CNOT9: variants seen among roughly 807,000 people sequenced by gnomAD.
The protein encoded by CNOT9 is RCD1 required for cell differentiation1 homolog.
Under a neutral mutation model 37.4 loss-of-function variants are expected in CNOT9, and 8 were observed. The ratio of observed to expected loss-of-function variants is 0.21; its 90% confidence interval spans 0.13 to 0.39. CNOT9 has a LOEUF of 0.39. Ranked by LOEUF, CNOT9 falls within the 10% of genes least tolerant of loss-of-function variation. CNOT9 has a pLI of 1.00. For missense variants in CNOT9, 154 were observed against 365.3 expected (o/e 0.42, Z 4.71); for synonymous variants, 120 against 137.6 (o/e 0.87, Z 0.90).
Position 218,595,306 on chromosome 2 carries a change from A to G in CNOT9, c.*1030A>G, listed in dbSNP as rs1237422068. On this transcript the variant is annotated 3_prime_UTR_variant, in exon 8 of 8. Coordinates refer to ENST00000273064, the MANE Select transcript of CNOT9 (RefSeq NM_005444.3). Reference sequence around the variant, plus strand: ...TCTTTGTTTTAGTGTGAATTTCAGCAGCTCCATCTGTCTTCATGATTGTAC... The same window carrying G: ...TCTTTGTTTTAGTGTGAATTTCAGCGGCTCCATCTGTCTTCATGATTGTAC... The G allele has an allele frequency of 6.6e-6, 1 of 150,558 alleles. No individual in the cohort carries two copies. Among genetic ancestry groups the G allele is most frequent in the African/African-American group, 2.4e-5 (1 of 41,050 alleles). 9.3% of individuals were successfully genotyped at this position (150,558 alleles called of 1,614,324 possible).
At chr2:218,584,584 T>C in intron 3 of CNOT9, 28 bp from the exon 4 acceptor site, 3 of 1,501,346 alleles carry the variant, frequency 2.0e-6, no homozygotes, top group East Asian at 2.3e-5. Context: ...AACCCTGGGC[T>C]GTGAATGTAA....
chr2:218,585,442 A>G (rs565838225), intron 4 of CNOT9, among the ~76,000 whole-genome samples: 7 of 147,850 alleles, frequency 4.7e-5, no homozygotes, highest in Admixed American at 3.4e-4. Flanking sequence ...GCGTGGTGGC[A>G]TGTGCCTGTA....
chr2:218,583,164 A>C, intron 3 of CNOT9, 78 bp downstream of exon 3: 1 of 824,804 alleles, frequency 1.2e-6, no homozygotes, highest in Admixed American at 1.9e-5. Flanking sequence ...AATAAAAGGA[A>C]GGGCATGGAG....
In CNOT9 at chr2:218,595,691, A is replaced by G. The variant is rs1694910521; in HGVS notation, c.*1415A>G. ...GAGAGGGACCAAGTCTTTTCTGCCC[A>G]CATCTCACACAATTGAGGTGTCTGA... On this transcript the variant is annotated 3_prime_UTR_variant, in exon 8 of 8. Transcript: ENST00000273064. 1 of 151,190 alleles carries G rather than the reference A, an allele frequency of 6.6e-6. No homozygotes were observed. The highest frequency in any genetic ancestry group is 2.4e-5 in the African/African-American group (1 of 41,132). 9.4% of individuals were successfully genotyped at this position (151,190 alleles called of 1,614,324 possible).
chr2:218,580,529 A>G (rs778466462), intron 1 of CNOT9, 32 bp from the exon 2 acceptor site: 1 of 1,560,982 alleles, frequency 6.4e-7, no homozygotes, highest in South Asian at 1.2e-5. Flanking sequence ...ACTCTAATAA[A>G]CTGATATTTA....
intron 1 of CNOT9, among the ~76,000 whole-genome samples, chr2:218,576,209 AG>A (rs1303937354): frequency 1.3e-5 from 2 of 152,226 alleles, no homozygotes; most frequent in East Asian, 3.8e-4. Context: ...GGGATATGGA[AG>A]GAGAGTAAGA....
rs1056602402 is a variant in CNOT9, at chr2:218,584,504, G to A, written c.321-108G>A. ...AACATTGTTTTCCTAAGGATTCCTTGCTCTGACAATGTTAAGGCCTTACAG... is the reference window on the plus strand; with the variant it reads ...AACATTGTTTTCCTAAGGATTCCTTACTCTGACAATGTTAAGGCCTTACAG... On this transcript the variant is annotated intron_variant, in intron 3 of 7. Transcript: ENST00000273064. The A allele has an allele frequency of 1.1e-5, 9 of 802,602 alleles. No homozygotes were observed. The African/African-American group carries it at 1.5e-4, about 14-fold the overall frequency. 49.7% of individuals were successfully genotyped at this position (802,602 alleles called of 1,614,324 possible).
chr2:218,593,724 A>C, intron 7 of CNOT9: 1 of 1,231,232 alleles, frequency 8.1e-7, no homozygotes, highest in Non-Finnish European at 1.0e-6. Context: ...TTAAGTTATC[A>C]TAAGTTTGAT....
rs746753176 is a variant in CNOT9 at position 218,583,188 on chromosome 2, AACGTTT to A, written c.320+103_320+108del. The stretch of plus-strand genomic sequence containing the variant: ...AAGGGCATGGAGGAGAGAGAGAGAG[AACGTTT>A]GTGTGTGTGTGTGTGTGTGTGTGTG... On this transcript the variant is annotated intron_variant, in intron 3 of 7. Coordinates refer to ENST00000273064, the MANE Select transcript of CNOT9 (RefSeq NM_005444.3). 3.1e-5 allele frequency: 16 copies of A among 519,500 alleles called. 1 individual carries two copies. Among genetic ancestry groups the A allele is most frequent in the Admixed American group, 9.9e-5 (3 of 30,322 alleles). The allele number at this position is 519,500 out of a possible 1,614,324, so 32.2% of individuals were successfully genotyped here.
chr2:218,579,550 G>C (rs576411744), intron 1 of CNOT9, among the ~76,000 whole-genome samples: 2 of 150,652 alleles, frequency 1.3e-5, no homozygotes, highest in African/African-American at 4.9e-5. Flanking sequence ...GCAGTGGCGC[G>C]ATCTCGGCTC....
chr2:218,572,822 C>T (rs1694042447), intron 1 of CNOT9: 1 of 343,280 alleles, frequency 2.9e-6, no homozygotes, highest in African/African-American at 2.2e-5. Flanking sequence ...TCCGCCTAAC[C>T]AGCAGCATCA....
At chr2:218,576,160 A>G (rs1473431889) in intron 1 of CNOT9, among the ~76,000 whole-genome samples, 4 of 152,222 alleles carry the variant, frequency 2.6e-5, no homozygotes, top group African/African-American at 9.6e-5. Flanking sequence ...GATGTCAATT[A>G]CAGATTCTTT....
intron 4 of CNOT9, among the ~76,000 whole-genome samples, chr2:218,585,082 CTCT>C (rs1371295033): frequency 3.3e-5 from 5 of 152,034 alleles, no homozygotes; most frequent in South Asian, 4.2e-4. Flanking sequence ...CTCTTCTCTT[CTCT>C]TCTTTTCTTT....
At chr2:218,585,647 T>TTA (rs1559248566) in intron 4 of CNOT9, among the ~76,000 whole-genome samples, 4 of 146,346 alleles carry the variant, frequency 2.7e-5, no homozygotes, top group South Asian at 2.2e-4. Context: ...TATTTTTTTT[T>TTA]TTTTTTTTTG....
At chr2:218,574,096 A>C (rs761900020) in intron 1 of CNOT9, 1 of 370,504 alleles carries the variant, frequency 2.7e-6, no homozygotes, top group South Asian at 1.9e-5. Flanking sequence ...CAGCCTCTTG[A>C]GTAGCTGGGA....
intron 2 of CNOT9, chr2:218,581,171 T>C (rs546194303): frequency 0.039 from 4,744 of 122,400 alleles, 47 homozygotes; most frequent in Non-Finnish European, 0.049. Flanking sequence ...TTTGTTTTTC[T>C]TTTTTTTTTT....
intron 4 of CNOT9, among the ~76,000 whole-genome samples, chr2:218,587,051 T>C (rs75579821): frequency 0.028 from 4,269 of 152,192 alleles, 191 homozygotes; most frequent in African/African-American, 0.095. Context: ...TTACAGACCA[T>C]TGGAGCAGAA....
chr2:218,584,559 G>A, intron 3 of CNOT9, 53 bp from the exon 4 acceptor site: 1 of 1,314,810 alleles, frequency 7.6e-7, no homozygotes, highest in South Asian at 1.2e-5. Context: ...TGAAAGTTCA[G>A]GATCCTTAGA....
At position 218,594,424 on chromosome 2, in the gene CNOT9, G is replaced by A. The variant is rs1575000379; in HGVS notation, c.*148G>A. On this transcript the variant is annotated 3_prime_UTR_variant, in exon 8 of 8. Transcript: ENST00000273064. Reference sequence around the variant, plus strand: ...AGAAAAGGGGCAAGGTACCCCTGCTGAGGTGTATGGGCTGCCATCTCAGGC... The same window carrying A: ...AGAAAAGGGGCAAGGTACCCCTGCTAAGGTGTATGGGCTGCCATCTCAGGC... The A allele has an allele frequency of 2.3e-6, 2 of 869,392 alleles. No homozygotes were observed. The highest frequency in any genetic ancestry group is 5.4e-5 in the East Asian group (2 of 37,146). The allele number at this position is 869,392 out of a possible 1,614,324, so 53.9% of individuals were successfully genotyped here. A position where few individuals can be genotyped will look rare whatever the true frequency, so the allele number is the denominator to read the frequency against.
Sources: allele counts gnomAD v4.1 joint callset (sites outside exome capture counted in the v4.1 genomes callset), GRCh38; gene constraint gnomAD v4.1.1; transcripts MANE v1.5; gene names NCBI Gene and HGNC (gene_info 2026-07-23, HGNC 2026-07-21).